Variants in B9D1 observed in about 807,000 individuals in gnomAD.
B9D1 encodes the protein B9 domain containing 1.
In B9D1, 20 loss-of-function variants were observed where a neutral mutation model predicts 26.1. That is an observed-to-expected ratio of 0.77 (90% CI 0.54 to 1.12). The LOEUF (loss-of-function observed/expected upper bound fraction) is 1.12. Ranked by LOEUF, B9D1 falls within the 50% of genes most tolerant of loss-of-function variation. The pLI, the probability that B9D1 is intolerant of heterozygous loss-of-function variation, is 0.00. For synonymous variants in B9D1, 105 were observed against 103.1 expected (o/e 1.02, Z -0.11); for missense variants, 260 against 273.7 (o/e 0.95, Z 0.35).
rs1910796555 is a variant in B9D1, at chr17:19,359,677, G to A, written c.132+643C>T. ...GCGCTCCGGGAAGGCAGGGTCTTCT[G>A]GTTTGGCTTTGCTCACCCCTGCATC... On this transcript the variant is annotated intron_variant, in intron 2 of 6. Transcript: ENST00000261499. This position sits in a 1 kb window ranked among gnomAD's most constrained non-coding sequence, Gnocchi z 5.0. Among the ~76,000 whole-genome samples, 1 of 152,090 alleles carries A rather than the reference G, an allele frequency of 6.6e-6. No individual in the cohort carries two copies. Among genetic ancestry groups the A allele is most frequent in the Admixed American group, 6.5e-5 (1 of 15,276 alleles).
intron 3 of B9D1, among the ~76,000 whole-genome samples, chr17:19,353,563 C>T (rs1250932449): frequency 6.6e-6 from 1 of 151,004 alleles, no homozygotes; most frequent in Non-Finnish European, 1.5e-5. Flanking sequence ...TCATTTGAAC[C>T]CGGGAGGCAG....
At chr17:19,338,609 A>G (rs1005752871), downstream of B9D1, among the ~76,000 whole-genome samples, 17 of 152,212 alleles carry the variant, frequency 1.1e-4, no homozygotes, top group Non-Finnish European at 2.9e-5. Flanking sequence ...CAGTGCCATG[A>G]TGGCAGGAGG....
rs768508152 is a variant in B9D1, at chr17:19,343,719, C to A, written c.472+71G>T. Reference sequence around the variant, plus strand: ...GGCAGGTCCCCGGCATTCACCCCAACCCTGGGCCCACCCACTCCCAGGCTG... The same window carrying A: ...GGCAGGTCCCCGGCATTCACCCCAAACCTGGGCCCACCCACTCCCAGGCTG... On this transcript the variant is annotated intron_variant, in intron 6 of 6. Transcript: ENST00000261499. 108 of 1,613,556 alleles carry A rather than the reference C, an allele frequency of 6.7e-5. No individual in the cohort carries two copies. Among genetic ancestry groups the A allele is most frequent in the Middle Eastern group, 4.9e-4 (3 of 6,084 alleles).
intron 3 of B9D1, 179 bp downstream of exon 3, chr17:19,357,661 G>A: frequency 1.5e-6 from 1 of 655,068 alleles, no homozygotes; most frequent in Non-Finnish European, 2.8e-6. Context: ...GGGTGAGTGG[G>A]GATGAGGAAG....
At chr17:19,364,090 C>A (rs1329502656), upstream of B9D1, among the ~76,000 whole-genome samples, 1 of 152,218 alleles carries the variant, frequency 6.6e-6, no homozygotes, top group Non-Finnish European at 1.5e-5. This position sits in a 1 kb window ranked among gnomAD's most constrained non-coding sequence, Gnocchi z 4.3. Flanking sequence ...CTCCCTTTGG[C>A]CTTTGAGGCT....
intron 1 of B9D1, among the ~76,000 whole-genome samples, chr17:19,368,357 G>A (rs1430778741): frequency 2.0e-5 from 3 of 152,192 alleles, no homozygotes; most frequent in African/African-American, 4.8e-5. Flanking sequence ...TGAAGCTCAC[G>A]GGAGAAAGTG....
downstream of B9D1, among the ~76,000 whole-genome samples, chr17:19,340,033 A>C (rs1252543771): frequency 1.1e-3 from 117 of 110,516 alleles, no homozygotes; most frequent in East Asian, 7.1e-3. Flanking sequence ...CACATGCCCA[A>C]CCCCCCCCCC....
Position 19,372,936 on chromosome 17 carries a change from G to GT in B9D1, c.-298+4922dup, listed in dbSNP as rs1275937035. Among the ~76,000 whole-genome samples the GT allele has an allele frequency of 1.3e-5, 2 of 152,260 alleles. No individual in the cohort carries two copies. Among genetic ancestry groups the GT allele is most frequent in the Admixed American group, 1.3e-4 (2 of 15,282 alleles). ...ACATCTATTATTTCTGCTGACCCACGTCCATCCACCTTCCTGAAAACTCAG... is the reference window on the plus strand; with the variant it reads ...ACATCTATTATTTCTGCTGACCCACGTTCCATCCACCTTCCTGAAAACTCAG... On this transcript the variant is annotated intron_variant, in intron 1 of 5. Coordinates refer to the B9D1 transcript ENST00000477478. This position sits in a 1 kb window ranked among gnomAD's most constrained non-coding sequence, Gnocchi z 4.4.
At chr17:19,349,414 C>G (rs1909294746) in intron 3 of B9D1, among the ~76,000 whole-genome samples, 1 of 146,836 alleles carries the variant, frequency 6.8e-6, no homozygotes, top group Non-Finnish European at 1.5e-5. Context: ...GAGACAGGGT[C>G]TTGCTCTGTT....
chr17:19,335,461 A>ATCT, downstream of B9D1: 2 of 1,550,168 alleles, frequency 1.3e-6, no homozygotes, highest in Non-Finnish European at 1.7e-6. Context: ...TGGAAGAAAC[A>ATCT]TCTTTAACCT....
intron 3 of B9D1, among the ~76,000 whole-genome samples, chr17:19,354,709 T>C (rs923645933): frequency 2.0e-5 from 3 of 151,896 alleles, no homozygotes. Context: ...GCACCTGTAA[T>C]CCCCAGCTAC....
rs1437606352 is a variant in B9D1 at position 19,347,063 on chromosome 17, A to T, written c.404+206T>A. ...AAAGATTTTTCACAGGGCACAGGGT[A>T]AAATCGCCCGGCCTTCTGCTGCTGG... On this transcript the variant is annotated intron_variant, in intron 5 of 6. Coordinates refer to ENST00000261499, the MANE Select transcript of B9D1 (RefSeq NM_015681.6). This position sits in a 1 kb window ranked among gnomAD's most constrained non-coding sequence, Gnocchi z 4.3. 1 of 1,550,606 alleles carries T rather than the reference A, an allele frequency of 6.4e-7. No homozygotes were observed. Among genetic ancestry groups the T allele is most frequent in the Non-Finnish European group, 8.7e-7 (1 of 1,147,316 alleles).
downstream of B9D1, among the ~76,000 whole-genome samples, chr17:19,340,038 C>G (rs955623645): frequency 2.4e-5 from 1 of 41,380 alleles, no homozygotes; most frequent in Admixed American, 2.9e-4. Context: ...GCCCAACCCC[C>G]CCCCCCCCCC....
intron 3 of B9D1, among the ~76,000 whole-genome samples, chr17:19,352,981 T>A (rs1384950343): frequency 4.6e-5 from 7 of 150,724 alleles, no homozygotes; most frequent in East Asian, 2.0e-4. Flanking sequence ...TTTTACTACT[T>A]CTTTTTTTTT....
At chr17:19,346,272 C>G (rs1348293659) in intron 5 of B9D1, among the ~76,000 whole-genome samples, 2 of 152,206 alleles carry the variant, frequency 1.3e-5, no homozygotes, top group African/African-American at 4.8e-5. Flanking sequence ...AGTAGGCACA[C>G]AAATTCTCAG....
Position 19,359,051 on chromosome 17 carries a change from T to C in B9D1, c.133-1100A>G, listed in dbSNP as rs1323444002. ...GAACCCAGCGGCTCTATCTTCAGAATATACTTGCAGTCCAGCCCCTCCCAC... is the reference window on the plus strand; with the variant it reads ...GAACCCAGCGGCTCTATCTTCAGAACATACTTGCAGTCCAGCCCCTCCCAC... On this transcript the variant is annotated intron_variant, in intron 2 of 6. Transcript: ENST00000261499. This position sits in a 1 kb window ranked among gnomAD's most constrained non-coding sequence, Gnocchi z 5.0. 6.6e-6 allele frequency among the ~76,000 whole-genome samples: 1 copy of C among 152,196 alleles called. No individual in the cohort carries two copies. The highest frequency in any genetic ancestry group is 1.5e-5 in the Non-Finnish European group (1 of 68,040).
intron 3 of B9D1, among the ~76,000 whole-genome samples, chr17:19,355,417 T>A (rs1910193151): frequency 6.6e-6 from 1 of 151,486 alleles, no homozygotes; most frequent in African/African-American, 2.4e-5. Flanking sequence ...TAGTCCCAGC[T>A]ACTGGGGAGG....
intron 3 of B9D1, among the ~76,000 whole-genome samples, chr17:19,348,192 A>G (rs1909118684): frequency 6.6e-6 from 1 of 152,202 alleles, no homozygotes; most frequent in South Asian, 2.1e-4. Context: ...ATCTGGGCCC[A>G]GGGCCCCAGC....
At chr17:19,339,993 A>AT (rs1374670369), downstream of B9D1, among the ~76,000 whole-genome samples, 2 of 145,018 alleles carry the variant, frequency 1.4e-5, no homozygotes, top group Non-Finnish European at 3.0e-5. Flanking sequence ...TGCAGGCCGT[A>AT]TGCCTCGACT....
Sources: allele counts gnomAD v4.1 joint callset (sites outside exome capture counted in the v4.1 genomes callset), GRCh38; gene constraint gnomAD v4.1.1; non-coding constraint Gnocchi (gnomAD v3.1); transcripts MANE v1.5; gene names NCBI Gene and HGNC (gene_info 2026-07-23, HGNC 2026-07-21).